Variants in GRID2 observed in about 807,000 individuals in gnomAD.
GRID2 encodes the protein glutamate receptor ionotropic, delta-2.
A neutral mutation model predicts 114.8 loss-of-function variants in GRID2; 33 were observed. That is an observed-to-expected ratio of 0.29 (90% CI 0.22 to 0.38). GRID2 has a LOEUF of 0.38. Among genes scored for constraint, GRID2 ranks in the 10% least tolerant of loss-of-function variants. GRID2 has a pLI of 1.00. For missense variants in GRID2, 1,184 were observed against 1,257.7 expected, an observed-to-expected ratio of 0.94 and a Z score of 0.89; for synonymous variants, 505 against 449.9, an observed-to-expected ratio of 1.12 and a Z score of -1.55.
chr4:93,658,290 AACAATTAG>A (rs1723191538), intron 14 of GRID2, among the ~76,000 whole-genome samples: 1 of 152,222 alleles, frequency 6.6e-6, no homozygotes, highest in South Asian at 2.1e-4. Context: ...AGACAAAGAT[AACAATTAG>A]ACATATTTGG....
At chr4:92,583,192 G>T (rs1056671799) in intron 1 of GRID2, among the ~76,000 whole-genome samples, 8 of 151,852 alleles carry the variant, frequency 5.3e-5, no homozygotes, top group African/African-American at 1.7e-4. Context: ...CCCTCAAAGG[G>T]TTTTTATCAG....
At position 92,940,164 on chromosome 4, in the gene GRID2, C is replaced by T. The variant is rs980397639; in HGVS notation, c.245-144831C>T. ...CTATAAATTACCTTGAGCAGTTTGG[C>T]CATTTTCACAATATTGATTCTTCCT... On this transcript the variant is annotated intron_variant, in intron 2 of 15. Transcript: ENST00000282020. Among the ~76,000 whole-genome samples the T allele has an allele frequency of 5.5e-5, 8 of 146,500 alleles. 1 individual carries two copies. Among genetic ancestry groups the T allele is most frequent in the Non-Finnish European group, 1.2e-4 (8 of 66,216 alleles).
chr4:93,076,152 C>G (rs1293162241), intron 2 of GRID2, among the ~76,000 whole-genome samples: 1 of 151,988 alleles, frequency 6.6e-6, no homozygotes, highest in Non-Finnish European at 1.5e-5. Context: ...CCTGCCTCAG[C>G]CTCCCAAAGT....
At chr4:93,499,905 C>T (rs1264684807) in intron 12 of GRID2, among the ~76,000 whole-genome samples, 1 of 151,788 alleles carries the variant, frequency 6.6e-6, no homozygotes, top group Non-Finnish European at 1.5e-5. Flanking sequence ...GGTAGTAAAC[C>T]CAGGCAATCT....
chr4:92,504,748 G>C (rs976733355), intron 1 of GRID2, among the ~76,000 whole-genome samples: 12 of 151,684 alleles, frequency 7.9e-5, no homozygotes, highest in Non-Finnish European at 1.6e-4. Flanking sequence ...AATCACACTG[G>C]CTGGCATCCA....
chr4:93,404,395 A>G (rs1766207238), intron 9 of GRID2, among the ~76,000 whole-genome samples: 1 of 152,116 alleles, frequency 6.6e-6, no homozygotes, highest in South Asian at 2.1e-4. Context: ...TATGTAAATT[A>G]TATCTGAATA....
chr4:92,371,744 A>G (rs1458639143), intron 1 of GRID2, among the ~76,000 whole-genome samples: 3 of 152,200 alleles, frequency 2.0e-5, no homozygotes, highest in Non-Finnish European at 2.9e-5. Flanking sequence ...ATGAAGGAGT[A>G]ATTTTAGTTT....
chr4:92,949,249 A>G (rs1335663907), intron 2 of GRID2, among the ~76,000 whole-genome samples: 1 of 152,074 alleles, frequency 6.6e-6, no homozygotes, highest in African/African-American at 2.4e-5. Flanking sequence ...CTAAATGTTG[A>G]ATTTATAATT....
intron 2 of GRID2, among the ~76,000 whole-genome samples, chr4:93,055,940 C>T (rs1727192073): frequency 6.6e-6 from 1 of 151,898 alleles, no homozygotes; most frequent in South Asian, 2.1e-4. Context: ...CTCCCCTCAT[C>T]TCCAAAAGTC....
chr4:92,899,417 T>A (rs1025091665), intron 2 of GRID2, among the ~76,000 whole-genome samples: 24 of 152,156 alleles, frequency 1.6e-4, no homozygotes, highest in African/African-American at 5.8e-4. Context: ...GCATCCTAAG[T>A]CATTTTCACA....
At chr4:92,748,941 A>G (rs951579998) in intron 2 of GRID2, among the ~76,000 whole-genome samples, 39 of 151,966 alleles carry the variant, frequency 2.6e-4, no homozygotes, top group Non-Finnish European at 4.6e-4. Context: ...GATTACAGGC[A>G]TGAACCACCA....
intron 1 of GRID2, among the ~76,000 whole-genome samples, chr4:92,487,757 GTTT>G (rs1722964508): frequency 1.8e-5 from 1 of 54,644 alleles, no homozygotes; most frequent in Non-Finnish European, 3.4e-5. Flanking sequence ...TGGGTTTTTT[GTTT>G]GTTTGTTTGT....
chr4:92,307,564 T>C (rs1435249872), intron 1 of GRID2, among the ~76,000 whole-genome samples: 2 of 152,176 alleles, frequency 1.3e-5, no homozygotes, highest in African/African-American at 4.8e-5. Flanking sequence ...GGTAGTTTAA[T>C]AAGGTCAATT....
intron 2 of GRID2, among the ~76,000 whole-genome samples, chr4:92,989,297 A>T (rs202102596): frequency 0.039 from 4,964 of 126,368 alleles, 152 homozygotes; most frequent in Middle Eastern, 0.078. Context: ...AAAAAAAAAA[A>T]AAAAATAATA....
chr4:93,181,683 C>G (rs1739912911), intron 4 of GRID2, among the ~76,000 whole-genome samples: 1 of 152,122 alleles, frequency 6.6e-6, no homozygotes, highest in East Asian at 1.9e-4. Context: ...ACAGAGATGA[C>G]TTCTATTATG....
At chr4:93,516,524 C>G (rs1393616271) in intron 13 of GRID2, among the ~76,000 whole-genome samples, 1 of 152,208 alleles carries the variant, frequency 6.6e-6, no homozygotes, top group East Asian at 1.9e-4. Context: ...TAGCAATGGC[C>G]TCTATCCTCT....
At chr4:93,168,983 G>A (rs1162991197) in intron 4 of GRID2, among the ~76,000 whole-genome samples, 1 of 151,976 alleles carries the variant, frequency 6.6e-6, no homozygotes, top group Non-Finnish European at 1.5e-5. Flanking sequence ...TCAAACTATA[G>A]AAACAGAGCA....
At chr4:93,507,356 C>T (rs1190684798) in intron 12 of GRID2, among the ~76,000 whole-genome samples, 15 of 152,262 alleles carry the variant, frequency 9.9e-5, no homozygotes, top group South Asian at 6.2e-4. Context: ...CCATTGGCTA[C>T]GCCGTAAATA....
At position 92,553,030 on chromosome 4, in the gene GRID2, C is replaced by G. The variant is rs1440131785; in HGVS notation, c.89-37101C>G. On this transcript the variant is annotated intron_variant, in intron 1 of 15. Coordinates refer to ENST00000282020, the MANE Select transcript of GRID2 (RefSeq NM_001510.4). ...CAAGCAAGAGGCAGGCTGCAACATA[C>G]CTACTTGCTTATTTCTTTGATATCA... is the stretch of plus-strand genomic sequence containing the variant. 4.6e-5 allele frequency among the ~76,000 whole-genome samples: 7 copies of G among 152,248 alleles called. No individual in the cohort carries two copies. The East Asian group carries it at 1.4e-3, about 29-fold the overall frequency.
Sources: allele counts gnomAD v4.1 joint callset (sites outside exome capture counted in the v4.1 genomes callset), GRCh38; gene constraint gnomAD v4.1.1; transcripts MANE v1.5; gene names NCBI Gene and HGNC (gene_info 2026-07-23, HGNC 2026-07-21).